The following CDK19 variants were observed in gnomAD, a reference collection of about 807,000 sequenced individuals.
CDK19 encodes cyclin-dependent kinase 19.
A neutral mutation model predicts 68.3 loss-of-function variants in CDK19; 20 were observed. The observed-to-expected ratio is 0.29, with a 90% CI of 0.21 to 0.43. The LOEUF is 0.43. Ranked by LOEUF, CDK19 falls within the 20% of genes least tolerant of loss-of-function variation. The pLI is 1.00. For missense variants in CDK19, 339 were observed against 623.5 expected, an observed-to-expected ratio of 0.54 and a Z score of 4.86; for synonymous variants, 221 against 222.8, an observed-to-expected ratio of 0.99 and a Z score of 0.07.
At chr6:110,625,305 A>G (rs748103391) in intron 8 of CDK19, among the ~76,000 whole-genome samples, 2 of 152,072 alleles carry the variant, frequency 1.3e-5, no homozygotes, top group Admixed American at 1.3e-4. Context: ...CATCCTCACC[A>G]GTAGCATATG....
At position 110,785,074 on chromosome 6, in the gene CDK19, C is replaced by CAAAAAAAAAAAAAAAAAAA; in HGVS notation, c.128+29916_128+29934dup. On this transcript the variant is annotated intron_variant, in intron 1 of 12. Coordinates refer to ENST00000368911, the MANE Select transcript of CDK19 (RefSeq NM_015076.5). ...CATATGCTAAAAACCACTGAATTGT[C>CAAAAAAAAAAAAAAAAAAA]AAAAAAAAAAAAAAAAAAAAGCCCC... 4.6e-5 allele frequency among the ~76,000 whole-genome samples: 3 copies of CAAAAAAAAAAAAAAAAAAA among 64,940 alleles called. 1 individual carries two copies. Among genetic ancestry groups the CAAAAAAAAAAAAAAAAAAA allele is most frequent in the Non-Finnish European group, 1.1e-4 (3 of 27,910 alleles). The allele number at this position is 64,940 out of a possible 152,430, so 42.6% of individuals were successfully genotyped here. A position where few individuals can be genotyped will look rare whatever the true frequency, so the allele number is the denominator to read the frequency against.
chr6:110,763,264 T>C (rs1779347402), intron 1 of CDK19, among the ~76,000 whole-genome samples: 1 of 151,978 alleles, frequency 6.6e-6, no homozygotes, highest in Non-Finnish European at 1.5e-5. Flanking sequence ...AGTGCTCCTA[T>C]GATCTGATAT....
chr6:110,791,450 T>C (rs1319959956), intron 1 of CDK19, among the ~76,000 whole-genome samples: 1 of 152,000 alleles, frequency 6.6e-6, no homozygotes, highest in African/African-American at 2.4e-5. Context: ...AACACAACTA[T>C]TGGAAAAGAA....
rs114902171 is a variant in CDK19 at position 110,712,875 on chromosome 6, A to G, written c.204+33251T>C. Among the ~76,000 whole-genome samples the G allele has an allele frequency of 7.8e-3, 1,192 of 152,296 alleles. 23 individuals carry two copies. The highest frequency in any genetic ancestry group is 0.027 in the African/African-American group (1,140 of 41,560). ...GTAGATTCAGAATAAGATGGCAGGG[A>G]AAGTGTAAACAGTTTGAGACATACT... is the stretch of plus-strand genomic sequence containing the variant. On this transcript the variant is annotated intron_variant, in intron 2 of 12. Transcript: ENST00000368911.
intron 2 of CDK19, among the ~76,000 whole-genome samples, chr6:110,721,871 G>A (rs577084224): frequency 2.4e-4 from 36 of 152,270 alleles, no homozygotes; most frequent in South Asian, 6.2e-4. Context: ...GGCCGAGGCC[G>A]GAGAATCACT....
intron 2 of CDK19, among the ~76,000 whole-genome samples, chr6:110,679,963 C>CAACTT (rs3085295): frequency 0.028 from 4,263 of 152,324 alleles, 83 homozygotes; most frequent in South Asian, 0.082. Flanking sequence ...TAAATCTACT[C>CAACTT]AACCGGTTCT....
intron 2 of CDK19, among the ~76,000 whole-genome samples, chr6:110,680,977 A>C (rs1437345530): frequency 2.7e-5 from 4 of 149,796 alleles, no homozygotes; most frequent in East Asian, 2.0e-4. Context: ...AGCCTGGGCA[A>C]CAGAGTGAGA....
At chr6:110,787,418 T>G (rs192664012) in intron 1 of CDK19, among the ~76,000 whole-genome samples, 4 of 152,020 alleles carry the variant, frequency 2.6e-5, no homozygotes, top group Admixed American at 1.3e-4. Flanking sequence ...ATATCCTTTC[T>G]CCTCAATGTT....
intron 1 of CDK19, among the ~76,000 whole-genome samples, chr6:110,762,362 G>T (rs1779287436): frequency 6.6e-6 from 1 of 152,074 alleles, no homozygotes; most frequent in Non-Finnish European, 1.5e-5. Context: ...CTAGCCTGAG[G>T]TCAAAGCTCT....
chr6:110,798,628 G>GAAAAAAAAAAAAAA (rs59236293), intron 1 of CDK19, among the ~76,000 whole-genome samples: 1 of 56,744 alleles, frequency 1.8e-5, no homozygotes, highest in Non-Finnish European at 3.7e-5. Context: ...TCTGTCTCCA[G>GAAAAAAAAAAAAAA]AAAAAAAAAA....
rs372161377 is a variant in CDK19 at position 110,730,191 on chromosome 6, G to A, written c.204+15935C>T. ...GGGAAGAATTTTAATGAAATCTCACGAAGTTTTTCTACATTAAGCTTAACT... is the reference window on the plus strand; with the variant it reads ...GGGAAGAATTTTAATGAAATCTCACAAAGTTTTTCTACATTAAGCTTAACT... On this transcript the variant is annotated intron_variant, in intron 2 of 12. Coordinates refer to ENST00000368911, the MANE Select transcript of CDK19 (RefSeq NM_015076.5). 3.2e-4 allele frequency among the ~76,000 whole-genome samples: 48 copies of A among 152,216 alleles called. No individual in the cohort carries two copies. In the East Asian group the frequency reaches 6.8e-3, roughly 21 times the overall value.
At chr6:110,659,156 G>A (rs902907061) in intron 4 of CDK19, among the ~76,000 whole-genome samples, 2 of 152,200 alleles carry the variant, frequency 1.3e-5, no homozygotes, top group Non-Finnish European at 2.9e-5. Context: ...AGATTTTAAG[G>A]GTTTTGCCTT....
chr6:110,634,147 A>T (rs1217549590), intron 5 of CDK19, among the ~76,000 whole-genome samples: 1 of 152,200 alleles, frequency 6.6e-6, no homozygotes, highest in Non-Finnish European at 1.5e-5. Context: ...ACATATTAAA[A>T]TTTTAATTTA....
chr6:110,703,749 A>G (rs1490610525), intron 2 of CDK19, among the ~76,000 whole-genome samples: 1 of 152,140 alleles, frequency 6.6e-6, no homozygotes, highest in Admixed American at 6.6e-5. Flanking sequence ...CTGAAGTGGG[A>G]GGATTGCTTG....
chr6:110,772,803 G>A (rs1562276347), intron 1 of CDK19, among the ~76,000 whole-genome samples: 1 of 151,486 alleles, frequency 6.6e-6, no homozygotes, highest in South Asian at 2.1e-4. Flanking sequence ...TGAAGTGGGA[G>A]GATTGCTTAG....
chr6:110,616,604 GT>G (rs1778326219), intron 12 of CDK19, among the ~76,000 whole-genome samples: 1 of 151,522 alleles, frequency 6.6e-6, no homozygotes, highest in East Asian at 1.9e-4. Flanking sequence ...GGAGTCAGAA[GT>G]TGTAGTGAGT....
intron 1 of CDK19, among the ~76,000 whole-genome samples, chr6:110,796,752 T>C (rs1224176558): frequency 6.6e-6 from 1 of 152,104 alleles, no homozygotes; most frequent in Non-Finnish European, 1.5e-5. Flanking sequence ...CTCACGCCTG[T>C]AATCCCAGCA....
At chr6:110,674,546 T>C (rs1258765450) in intron 2 of CDK19, among the ~76,000 whole-genome samples, 1 of 152,136 alleles carries the variant, frequency 6.6e-6, no homozygotes, top group Non-Finnish European at 1.5e-5. Flanking sequence ...AACAGCCTTA[T>C]TGTGGATAGG....
At chr6:110,713,544 C>G (rs1003094205) in intron 2 of CDK19, among the ~76,000 whole-genome samples, 1 of 149,448 alleles carries the variant, frequency 6.7e-6, no homozygotes, top group African/African-American at 2.5e-5. Flanking sequence ...GTAGCTAGGA[C>G]TACTACCACA....
Sources: allele counts gnomAD v4.1 joint callset (sites outside exome capture counted in the v4.1 genomes callset), GRCh38; gene constraint gnomAD v4.1.1; transcripts MANE v1.5; gene names NCBI Gene and HGNC (gene_info 2026-07-23, HGNC 2026-07-21).